The following PRORP variants were observed in gnomAD, a reference collection of about 807,000 sequenced individuals.
PRORP encodes the protein mitochondrial ribonuclease P catalytic subunit.
A neutral mutation model predicts 59.4 loss-of-function variants in PRORP; 51 were observed. That is an observed-to-expected ratio of 0.86 (90% confidence interval 0.69 to 1.08). The LOEUF is 1.08. Ranked by LOEUF, PRORP falls within the 50% of genes least tolerant of loss-of-function variation. The pLI is 0.00. For synonymous variants in PRORP, 231 were observed against 245.6 expected (o/e 0.94, Z 0.55); for missense variants, 646 against 690.3 (o/e 0.94, Z 0.72).
At chr14:35,226,137 T>C (rs1476769085) in intron 5 of PRORP, among the ~76,000 whole-genome samples, 1 of 152,224 alleles carries the variant, frequency 6.6e-6, no homozygotes, top group Non-Finnish European at 1.5e-5. Context: ...ATTTGTGCCA[T>C]GATGTTTCTC....
intron 4 of PRORP, among the ~76,000 whole-genome samples, chr14:35,173,656 A>C (rs1195226282): frequency 6.6e-6 from 1 of 152,048 alleles, no homozygotes; most frequent in African/African-American, 2.4e-5. Flanking sequence ...CCTGCTGGCC[A>C]TACTGTCTGG....
At chr14:35,127,725 G>A (rs2047133264) in intron 4 of PRORP, 114 bp downstream of exon 4, 2 of 1,050,526 alleles carry the variant, frequency 1.9e-6, no homozygotes, top group East Asian at 2.7e-5. Flanking sequence ...ATCGGTCCCT[G>A]TTGCAACTTT....
At chr14:35,180,600 A>G in intron 4 of PRORP, 70 bp from the exon 5 acceptor site, 1 of 792,894 alleles carries the variant, frequency 1.3e-6, no homozygotes, top group Non-Finnish European at 2.1e-6. Context: ...AATAAAGGTC[A>G]CTGCAGTGTG....
intron 4 of PRORP, among the ~76,000 whole-genome samples, chr14:35,161,666 G>A (rs963074177): frequency 2.6e-5 from 4 of 151,886 alleles, no homozygotes; most frequent in African/African-American, 9.7e-5. Context: ...CCCTTTCTTT[G>A]AGCTATTCTC....
At chr14:35,140,264 C>T (rs551785536) in intron 4 of PRORP, among the ~76,000 whole-genome samples, 5 of 144,874 alleles carry the variant, frequency 3.5e-5, no homozygotes, top group African/African-American at 9.8e-5. Context: ...TCAGAAACTG[C>T]CCAACTGTTT....
At chr14:35,269,100 A>G (rs2051121799) in intron 6 of PRORP, among the ~76,000 whole-genome samples, 1 of 152,186 alleles carries the variant, frequency 6.6e-6, no homozygotes, top group African/African-American at 2.4e-5. Context: ...CCAGGTTGAG[A>G]TCATGGCCCT....
chr14:35,273,475 A>G lies in PRORP; in HGVS notation c.1661A>G (p.Asp554Gly), dbSNP rs543708866. Reference sequence around the variant, plus strand: ...GACACAGTGGTGCAAACAACTGGAGACTCGTGGCACATACCATATGATGAA... The same window carrying G: ...GACACAGTGGTGCAAACAACTGGAGGCTCGTGGCACATACCATATGATGAA... ...SYDTVVQTTG[D>G]SWHIPYDEDL... The change falls in exon 8 of 8, where the codon GAC (aspartate) becomes GGC (glycine). Residue 554 changes from aspartate to glycine, a missense_variant. Coordinates refer to ENST00000534898, the MANE Select transcript of PRORP (RefSeq NM_014672.4). 6.2e-7 allele frequency: 1 copy of G among 1,613,040 alleles called. No homozygotes were observed. The highest frequency in any genetic ancestry group is 1.7e-5 in the Admixed American group (1 of 59,856).
At chr14:35,158,994 A>C (rs1359020937) in intron 4 of PRORP, 1 of 353,666 alleles carries the variant, frequency 2.8e-6, no homozygotes, top group Non-Finnish European at 5.4e-6. Context: ...CAAATCCCAC[A>C]CATTTCCATC....
At position 35,273,632 on chromosome 14, in the gene PRORP, G is replaced by A; in HGVS notation, c.*66G>A. 6.7e-7 allele frequency: 1 copy of A among 1,489,310 alleles called. No individual in the cohort carries two copies. The highest frequency in any genetic ancestry group is 1.3e-5 in the South Asian group (1 of 75,452). The allele number at this position is 1,489,310 out of a possible 1,614,324, so 92.3% of individuals were successfully genotyped here. ...CTAGGTTGGCATCAGAGGCTCTTGA[G>A]CTGGTGTTTGTTTAGGGCATTGCCT... On this transcript the variant is annotated 3_prime_UTR_variant, in exon 8 of 8. Coordinates refer to ENST00000534898, the MANE Select transcript of PRORP (RefSeq NM_014672.4).
At chr14:35,246,366 A>G (rs890200863) in intron 5 of PRORP, among the ~76,000 whole-genome samples, 1 of 152,196 alleles carries the variant, frequency 6.6e-6, no homozygotes, top group African/African-American at 2.4e-5. Context: ...CAGCAAAAGC[A>G]ATATGTAACT....
At chr14:35,239,736 A>G (rs962983936) in intron 5 of PRORP, among the ~76,000 whole-genome samples, 2 of 152,192 alleles carry the variant, frequency 1.3e-5, no homozygotes, top group Non-Finnish European at 2.9e-5. Context: ...GCCCTGTACA[A>G]CTAAAGAAAA....
At chr14:35,204,447 T>A (rs2049239575) in intron 5 of PRORP, among the ~76,000 whole-genome samples, 1 of 152,210 alleles carries the variant, frequency 6.6e-6, no homozygotes, top group South Asian at 2.1e-4. Context: ...ATTGCTATGC[T>A]ACAAAGTTAC....
At chr14:35,256,233 G>C (rs1369209701) in intron 5 of PRORP, among the ~76,000 whole-genome samples, 1 of 139,882 alleles carries the variant, frequency 7.1e-6, no homozygotes, top group Admixed American at 7.3e-5. Flanking sequence ...GCAGTGAGCT[G>C]AGATTGCACC....
chr14:35,137,034 A>G (rs1447307049), intron 4 of PRORP, among the ~76,000 whole-genome samples: 1 of 146,168 alleles, frequency 6.8e-6, no homozygotes, highest in Non-Finnish European at 1.5e-5. Flanking sequence ...TGGATTTGGC[A>G]ACTAAGAAAT....
In PRORP at chr14:35,266,708, C is replaced by T. The variant is rs1019780585; in HGVS notation, c.1276-19C>T. 1.2e-6 allele frequency: 2 copies of T among 1,612,094 alleles called. No homozygotes were observed. Among genetic ancestry groups the T allele is most frequent in the Middle Eastern group, 1.7e-4 (1 of 6,054 alleles). ...AGTCTTCCCTTGAACTTTTGTGGTT[C>T]TGGCTTTGTGTTTTTTAGCTCTTGA... On this transcript the variant is annotated intron_variant, in intron 5 of 7. Coordinates refer to ENST00000534898, the MANE Select transcript of PRORP (RefSeq NM_014672.4).
intron 5 of PRORP, among the ~76,000 whole-genome samples, chr14:35,260,000 T>TTG (rs999155711): frequency 1.4e-5 from 2 of 144,760 alleles, no homozygotes; most frequent in African/African-American, 5.1e-5. Context: ...CGGGTTTTTT[T>TTG]TTTTTTTTTT....
At chr14:35,240,360 C>T (rs977823609) in intron 5 of PRORP, among the ~76,000 whole-genome samples, 1 of 103,902 alleles carries the variant, frequency 9.6e-6, no homozygotes, top group African/African-American at 3.7e-5. Flanking sequence ...TGTTTGTTTA[C>T]GCCCATCCAT....
chr14:35,213,498 A>G (rs1202763800), intron 5 of PRORP, among the ~76,000 whole-genome samples: 1 of 152,204 alleles, frequency 6.6e-6, no homozygotes, highest in Non-Finnish European at 1.5e-5. Flanking sequence ...TAACTGGCAC[A>G]AAAGGCCTAG....
intron 4 of PRORP, among the ~76,000 whole-genome samples, chr14:35,173,742 G>A (rs561911948): frequency 9.2e-5 from 14 of 151,862 alleles, no homozygotes; most frequent in African/African-American, 1.5e-4. Flanking sequence ...CCCAAATATA[G>A]TGGCTTTAAA....
Sources: allele counts gnomAD v4.1 joint callset (sites outside exome capture counted in the v4.1 genomes callset), GRCh38; gene constraint gnomAD v4.1.1; transcripts MANE v1.5; gene names NCBI Gene and HGNC (gene_info 2026-07-23, HGNC 2026-07-21).